The following GRK4 variants were observed in gnomAD, a reference collection of about 807,000 sequenced individuals.
GRK4 encodes the protein G protein-coupled receptor kinase 4.
Under a neutral mutation model 77.9 loss-of-function variants are expected in GRK4, and 73 were observed. That is an observed-to-expected ratio of 0.94 (90% CI 0.78 to 1.14). GRK4 has a LOEUF of 1.14. Among genes scored for constraint, GRK4 ranks in the 50% most tolerant of loss-of-function variants. GRK4 has a pLI of 0.00. For missense variants in GRK4, 729 were observed against 700.2 expected (o/e 1.04, Z -0.46); for synonymous variants, 257 against 254.4 (o/e 1.01, Z -0.10).
chr4:3,014,118 C>A (rs766547295), intron 8 of GRK4, among the ~76,000 whole-genome samples: 1 of 152,080 alleles, frequency 6.6e-6, no homozygotes, highest in Admixed American at 6.6e-5. Context: ...CACCTGCCAG[C>A]TTGCAGAGGC....
chr4:2,996,018 G>C (rs894957389), intron 4 of GRK4, among the ~76,000 whole-genome samples: 1 of 152,174 alleles, frequency 6.6e-6, no homozygotes, highest in Non-Finnish European at 1.5e-5. Flanking sequence ...AGTGAGTCAT[G>C]ACTGTTCTGG....
At position 3,029,212 on chromosome 4, in the gene GRK4, G is replaced by T. The variant is rs748346927; in HGVS notation, c.1072G>T (p.Val358Phe). Residue 358 changes from valine to phenylalanine, a missense_variant, in exon 12 of 16, where the codon GTC becomes TTC. Val to Phe is a conservative substitution (Grantham distance 50, BLOSUM62 -1). Transcript: ENST00000398052. ...GTVGYMAPEV[V>F]NNEKYTFSPD... The stretch of plus-strand genomic sequence containing the variant: ...TATTTGTTATGTAGCACCTGAAGTT[G>T]TCAATAATGAAAAGTATACGTTTAG... The T allele has an allele frequency of 1.2e-6, 2 of 1,611,436 alleles. No homozygotes were observed. Among genetic ancestry groups the T allele is most frequent in the South Asian group, 2.2e-5 (2 of 90,612 alleles).
At chr4:3,010,470 G>A (rs551155007) in intron 7 of GRK4, among the ~76,000 whole-genome samples, 19 of 152,142 alleles carry the variant, frequency 1.2e-4, no homozygotes, top group Admixed American at 4.6e-4. Context: ...CGGGTGATCC[G>A]CCCTCCTCAG....
chr4:2,988,760 C>T lies in GRK4; in HGVS notation c.182C>T (p.Pro61Leu), dbSNP rs140178959. 5,066 of 1,612,078 alleles carry T rather than the reference C, an allele frequency of 3.1e-3. 13 individuals carry two copies. The highest frequency in any genetic ancestry group is 3.7e-3 in the Non-Finnish European group (4,384 of 1,178,298). Residue 61 changes from proline (P) to leucine (L), a missense_variant, in exon 3 of 16, where the codon CCG (proline) becomes CTG (leucine). Physicochemically the swap from Pro to Leu is moderately conservative, Grantham distance 98. Coordinates refer to ENST00000398052, the MANE Select transcript of GRK4 (RefSeq NM_182982.3). ...KDYSSLCDKQ[P>L]IGRRLFRQFC... is the part of the protein sequence containing the mutation. ...TATAGCAGTCTTTGTGACAAGCAAC[C>T]GATAGGAAGACGTCTCTTCAGGCAG...
At position 2,965,282 on chromosome 4, in the gene GRK4, C is replaced by A. The variant is rs892004684; in HGVS notation, c.52+1160C>A. 4 of 702,926 alleles carry A rather than the reference C, an allele frequency of 5.7e-6. No homozygotes were observed. The African/African-American group carries it at 7.0e-5, about 12-fold the overall frequency. 43.5% of individuals were successfully genotyped at this position (702,926 alleles called of 1,614,324 possible). Reference sequence around the variant, plus strand: ...CCACAAAAGCATCAGTTGGTCCAGCCCTTCAGCGGGAGACCCCCACAATCC... The same window carrying A: ...CCACAAAAGCATCAGTTGGTCCAGCACTTCAGCGGGAGACCCCCACAATCC... On this transcript the variant is annotated intron_variant, in intron 1 of 15. Transcript: ENST00000398052.
chr4:3,034,074 C>A (rs1739911119), intron 12 of GRK4, among the ~76,000 whole-genome samples: 1 of 152,152 alleles, frequency 6.6e-6, no homozygotes, highest in Non-Finnish European at 1.5e-5. Flanking sequence ...TCATTCTCAG[C>A]AAGAAATACT....
intron 1 of GRK4, among the ~76,000 whole-genome samples, chr4:2,982,148 G>A (rs1211710575): frequency 6.6e-6 from 1 of 152,252 alleles, no homozygotes; most frequent in African/African-American, 2.4e-5. Flanking sequence ...CAGCAGCTGT[G>A]GCTGGGTGGC....
In GRK4 at chr4:3,004,372, T is replaced by C. The variant is rs760396539; in HGVS notation, c.443+38T>C. On this transcript the variant is annotated intron_variant, in intron 5 of 15. Coordinates refer to ENST00000398052, the MANE Select transcript of GRK4 (RefSeq NM_182982.3). ...TGCTGAGCCCTGCATATATTATCTA[T>C]GACTAACCCCAAAACAGACAGCTTT... 10 of 1,285,562 alleles carry C rather than the reference T, an allele frequency of 7.8e-6. No homozygotes were observed. The South Asian group carries it at 1.2e-4, about 15-fold the overall frequency. The allele number at this position is 1,285,562 out of a possible 1,614,324, so 79.6% of individuals were successfully genotyped here. A position where few individuals can be genotyped will look rare whatever the true frequency, so the allele number is the denominator to read the frequency against.
Position 3,037,448 on chromosome 4 carries a change from C to G in GRK4, c.1482C>G (p.Thr494=), listed in dbSNP as rs370669294. 10 of 1,612,158 alleles carry G rather than the reference C, an allele frequency of 6.2e-6. No individual in the cohort carries two copies. The South Asian group carries it at 9.9e-5, about 16-fold the overall frequency. Residue 494 remains threonine (T), a synonymous_variant, in exon 14 of 16, where the codon ACC becomes ACG. Transcript: ENST00000398052. ...FSVVKGIYLD[T]ADEDFYARFA... ...TGGTGAAAGGGATCTACCTGGACAC[C>G]GCAGATGAAGACTTCTATGCTCGGT...
intron 11 of GRK4, among the ~76,000 whole-genome samples, chr4:3,028,949 T>C (rs890917616): frequency 6.6e-6 from 1 of 152,162 alleles, no homozygotes; most frequent in Non-Finnish European, 1.5e-5. Flanking sequence ...TTTTTGTATT[T>C]TTAGTAGAGA....
chr4:2,990,827 T>G (rs190141664), intron 3 of GRK4, among the ~76,000 whole-genome samples: 257 of 152,352 alleles, frequency 1.7e-3, no homozygotes, highest in Non-Finnish European at 2.7e-3. Context: ...GTTATGTTTT[T>G]GTTTTTTTGA....
chr4:3,013,640 G>A, intron 7 of GRK4, 48 bp from the exon 8 acceptor site: 1 of 1,572,250 alleles, frequency 6.4e-7, no homozygotes, highest in Non-Finnish European at 8.6e-7. Flanking sequence ...TGTGGCCTAA[G>A]AAATGCCAGG....
intron 1 of GRK4, among the ~76,000 whole-genome samples, chr4:2,979,880 G>GA (rs988707601): frequency 6.6e-6 from 1 of 151,766 alleles, no homozygotes; most frequent in Non-Finnish European, 1.5e-5. Context: ...TCTCAAAAAA[G>GA]AAAAAAAATG....
At chr4:3,012,894 C>T (rs911300507) in intron 7 of GRK4, among the ~76,000 whole-genome samples, 15 of 152,158 alleles carry the variant, frequency 9.9e-5, no homozygotes, top group Admixed American at 4.6e-4. Flanking sequence ...TTAATCCTAG[C>T]GCTTTGGAAG....
At chr4:3,031,158 A>G (rs1284864313) in intron 12 of GRK4, among the ~76,000 whole-genome samples, 1 of 152,186 alleles carries the variant, frequency 6.6e-6, no homozygotes, top group African/African-American at 2.4e-5. Flanking sequence ...GACAGCAGCC[A>G]GCGCACGGGG....
At chr4:3,022,316 G>T in intron 9 of GRK4, 98 bp from the exon 10 acceptor site, 1 of 1,174,086 alleles carries the variant, frequency 8.5e-7, no homozygotes. Flanking sequence ...GTGTTTTGCC[G>T]CGCTAGCCCT....
At position 3,019,832 on chromosome 4, in the gene GRK4, G is replaced by A; in HGVS notation, c.932+1G>A. 2 of 1,612,412 alleles carry A rather than the reference G, an allele frequency of 1.2e-6. No individual in the cohort carries two copies. The highest frequency in any genetic ancestry group is 1.7e-6 in the Non-Finnish European group (2 of 1,178,868). ...TACAGAGGGAAAGAATTGTATACAG[G>A]TAAGAACGGTGCTACCTAATGGAGC... is the stretch of plus-strand genomic sequence containing the variant. On this transcript the variant is annotated splice_donor_variant, in intron 9 of 15. Transcript: ENST00000398052. LOFTEE classifies it high-confidence loss of function.
chr4:2,966,669 T>C (rs907649636), intron 1 of GRK4: 1 of 152,176 alleles, frequency 6.6e-6, no homozygotes, highest in East Asian at 1.9e-4. Flanking sequence ...CTTTAAAGTA[T>C]CTCCCAGGAA....
Position 3,013,700 on chromosome 4 carries a change from C to G in GRK4, c.613C>G (p.Gln205Glu), listed in dbSNP as rs562227299. The G allele has an allele frequency of 1.9e-5, 30 of 1,608,656 alleles. No individual in the cohort carries two copies. In the South Asian group the frequency reaches 2.9e-4, roughly 16 times the overall value. The change falls in exon 8 of 16, where the codon CAA (glutamine) becomes GAA (glutamate). Residue 205 changes from glutamine (Q) to glutamate (E), a missense_variant. Coordinates refer to ENST00000398052, the MANE Select transcript of GRK4 (RefSeq NM_182982.3). ...KGGFGEVCAC[Q>E]VRATGKMYAC... ...CTGTTTAAACTAGGTTTGCGCCTGT[C>G]AAGTGCGAGCCACAGGAAAAATGTA... is the stretch of plus-strand genomic sequence containing the variant.
Sources: gnomAD v4.1 joint callset for allele counts (sites outside exome capture counted in the v4.1 genomes callset) on GRCh38, gnomAD v4.1.1 for gene constraint, MANE v1.5 for transcripts, NCBI Gene and HGNC (gene_info 2026-07-23, HGNC 2026-07-21) for gene names.